SCAPER: variants seen among roughly 807,000 people sequenced by gnomAD.
The protein encoded by SCAPER is S-phase cyclin A associated protein in the ER.
Under a neutral mutation model 182.2 loss-of-function variants are expected in SCAPER, and 98 were observed. The observed-to-expected ratio is 0.54, with a 90% confidence interval of 0.46 to 0.64. The LOEUF (loss-of-function observed/expected upper bound fraction) is 0.64, where lower values mean the gene tolerates loss of function less well. Among genes scored for constraint, SCAPER ranks in the 30% least tolerant of loss-of-function variants. The probability of loss-of-function intolerance (pLI) is 0.00; values close to 1 mark genes in which losing one functional copy is unlikely to be tolerated. For synonymous variants in SCAPER, 605 were observed against 564.6 expected (o/e 1.07, Z -1.01); for missense variants, 1,432 against 1,690.0 (o/e 0.85, Z 2.68).
chr15:76,658,992 T>C (rs2055897044), intron 21 of SCAPER, among the ~76,000 whole-genome samples: 1 of 152,142 alleles, frequency 6.6e-6, no homozygotes, highest in South Asian at 2.1e-4. Flanking sequence ...GAAAATACCA[T>C]TCTGGAAACA....
chr15:76,855,102 A>G (rs1318609941), intron 4 of SCAPER, among the ~76,000 whole-genome samples: 1 of 152,238 alleles, frequency 6.6e-6, no homozygotes. Flanking sequence ...ATGGAACAGA[A>G]GAGAGAGCCC....
intron 21 of SCAPER, among the ~76,000 whole-genome samples, chr15:76,631,632 T>C (rs1328379522): frequency 6.6e-6 from 1 of 152,230 alleles, no homozygotes; most frequent in Non-Finnish European, 1.5e-5. Flanking sequence ...TTCTGGCTTG[T>C]AGGGTTTCTG....
intron 21 of SCAPER, among the ~76,000 whole-genome samples, chr15:76,628,578 T>C (rs888570087): frequency 3.3e-5 from 5 of 152,184 alleles, no homozygotes. Flanking sequence ...GATCAGATAG[T>C]TGTAGGTGTG....
Position 76,354,134 on chromosome 15 carries a change from C to A in SCAPER, c.3862G>T (p.Val1288Leu), listed in dbSNP as rs757819578. 2 of 1,601,334 alleles carry A rather than the reference C, an allele frequency of 1.2e-6. No homozygotes were observed. The highest frequency in any genetic ancestry group is 1.4e-5 in the African/African-American group (1 of 73,972). The change falls in exon 30 of 32, where the codon GTG becomes TTG. Residue 1288 changes from valine (V) to leucine (L), a missense_variant. By Grantham distance (32) the Val-to-Leu change is conservative. Transcript: ENST00000563290. This position sits in a 1 kb window ranked among gnomAD's most constrained non-coding sequence, Gnocchi z 4.4. Reference protein sequence around the residue: ...TVNHPDNQVIVQSGRHPTVLQ... With the variant: ...TVNHPDNQVILQSGRHPTVLQ... ...ACTGTGGGGTGGCGGCCGGACTGCA[C>A]GATCACCTGAAATGGAAGAGCAGCC...
At chr15:76,633,958 C>T (rs1035990828) in intron 21 of SCAPER, among the ~76,000 whole-genome samples, 10 of 152,328 alleles carry the variant, frequency 6.6e-5, no homozygotes, top group Admixed American at 4.6e-4. Flanking sequence ...GCTTCAGCCC[C>T]CTTCCCATGG....
At chr15:76,754,319 G>A (rs1052668783) in intron 14 of SCAPER, among the ~76,000 whole-genome samples, 4 of 151,988 alleles carry the variant, frequency 2.6e-5, no homozygotes, top group Non-Finnish European at 5.9e-5. Flanking sequence ...GTTACCATGA[G>A]TATGTTTAAA....
intron 23 of SCAPER, among the ~76,000 whole-genome samples, chr15:76,555,600 AC>A (rs2145042593): frequency 6.6e-6 from 1 of 152,328 alleles, no homozygotes; most frequent in South Asian, 2.1e-4. Context: ...CTAATTTCAG[AC>A]AAAGCAGAGT....
intron 22 of SCAPER, among the ~76,000 whole-genome samples, chr15:76,586,413 A>G (rs2048659506): frequency 6.6e-6 from 1 of 152,164 alleles, no homozygotes; most frequent in Non-Finnish European, 1.5e-5. Flanking sequence ...TTAGACATTC[A>G]GATCAGGAAT....
At chr15:76,448,611 A>G (rs1474726643) in intron 25 of SCAPER, among the ~76,000 whole-genome samples, 1 of 152,156 alleles carries the variant, frequency 6.6e-6, no homozygotes, top group East Asian at 1.9e-4. Flanking sequence ...TGAAGATTGT[A>G]CAGTTTGGTA....
At position 76,558,828 on chromosome 15, in the gene SCAPER, T is replaced by TAC. The variant is rs1006592953; in HGVS notation, c.2838+15328_2838+15329dup. 2.4e-4 allele frequency among the ~76,000 whole-genome samples: 37 copies of TAC among 151,904 alleles called. No individual in the cohort carries two copies. The East Asian group carries it at 6.8e-3, about 28-fold the overall frequency. On this transcript the variant is annotated intron_variant, in intron 23 of 31. Coordinates refer to ENST00000563290, the MANE Select transcript of SCAPER (RefSeq NM_020843.4). The stretch of plus-strand genomic sequence containing the variant: ...AATGTGATATATATACACACATACA[T>TAC]ACACACACACACCATGGAATATTAG...
intron 22 of SCAPER, among the ~76,000 whole-genome samples, chr15:76,607,391 T>G (rs146451348): frequency 6.6e-6 from 1 of 152,358 alleles, no homozygotes; most frequent in East Asian, 1.9e-4. Context: ...GATCAGCTGT[T>G]CATCTGATGG....
chr15:76,402,796 T>C (rs2044555255), intron 27 of SCAPER, among the ~76,000 whole-genome samples: 1 of 151,850 alleles, frequency 6.6e-6, no homozygotes, highest in Non-Finnish European at 1.5e-5. Flanking sequence ...CTGAATAATA[T>C]AAAGTCAAGC....
In SCAPER at chr15:76,348,806, A is replaced by G. The variant is rs79711874; in HGVS notation, c.4100-70T>C. The G allele has an allele frequency of 3.1e-3, 2,970 of 951,644 alleles. 107 individuals are homozygous for G. In the Admixed American group the frequency reaches 0.053, roughly 17 times the overall value. 59.0% of individuals were successfully genotyped at this position (951,644 alleles called of 1,614,324 possible). A position where few individuals can be genotyped will look rare whatever the true frequency, so the allele number is the denominator to read the frequency against. Reference sequence around the variant, plus strand: ...AAATTCTTTGAAGATTCATAAATTAAACTTATTTTGATATCTGAGTATAAA... The same window carrying G: ...AAATTCTTTGAAGATTCATAAATTAGACTTATTTTGATATCTGAGTATAAA... On this transcript the variant is annotated intron_variant, in intron 31 of 31. Transcript: ENST00000563290.
chr15:76,630,496 G>A (rs147279107), intron 21 of SCAPER, among the ~76,000 whole-genome samples: 2 of 152,134 alleles, frequency 1.3e-5, no homozygotes, highest in African/African-American at 4.8e-5. Context: ...CTGGCACGTT[G>A]TCTCTTTGTT....
chr15:76,352,026 G>C (rs1195819956), intron 30 of SCAPER, among the ~76,000 whole-genome samples: 1 of 152,114 alleles, frequency 6.6e-6, no homozygotes, highest in Non-Finnish European at 1.5e-5. Context: ...ATAATCTTTA[G>C]ATCCTGATAT....
intron 8 of SCAPER, among the ~76,000 whole-genome samples, chr15:76,788,619 T>A (rs1027230676): frequency 6.6e-6 from 1 of 152,194 alleles, no homozygotes; most frequent in Admixed American, 6.5e-5. Context: ...GTATGTTGTA[T>A]GTTTATTTTA....
In SCAPER at chr15:76,354,837, G is replaced by A. The variant is rs999688503; in HGVS notation, c.3856-697C>T. 2.0e-5 allele frequency among the ~76,000 whole-genome samples: 3 copies of A among 152,190 alleles called. No individual in the cohort carries two copies. Among genetic ancestry groups the A allele is most frequent in the South Asian group, 2.1e-4 (1 of 4,834 alleles). On this transcript the variant is annotated intron_variant, in intron 29 of 31. Coordinates refer to ENST00000563290, the MANE Select transcript of SCAPER (RefSeq NM_020843.4). The surrounding 1 kb of genome is among the most constrained non-coding windows in gnomAD (Gnocchi z 4.4). ...AGAAATAGGGCAATGCAACGAATGG[G>A]CTTGCAGGGAAGCCCTCTTAATTTA...
At chr15:76,781,748 C>G (rs1399520787) in intron 8 of SCAPER, among the ~76,000 whole-genome samples, 1 of 151,892 alleles carries the variant, frequency 6.6e-6, no homozygotes, top group Non-Finnish European at 1.5e-5. Context: ...CATTATTAAA[C>G]AAAAAATTTT....
intron 3 of SCAPER, 29 bp from the exon 4 acceptor site, chr15:76,857,908 A>G: frequency 2.1e-6 from 3 of 1,417,364 alleles, no homozygotes; most frequent in Non-Finnish European, 2.9e-6. Context: ...ATAAATATGT[A>G]GATATACAGA....
Sources: allele counts gnomAD v4.1 joint callset (sites outside exome capture counted in the v4.1 genomes callset), GRCh38; gene constraint gnomAD v4.1.1; non-coding constraint Gnocchi (gnomAD v3.1); transcripts MANE v1.5; gene names NCBI Gene and HGNC (gene_info 2026-07-23, HGNC 2026-07-21).